Variants in CACHD1 observed in about 807,000 individuals in gnomAD.
CACHD1 encodes the protein cache domain containing 1.
In CACHD1, 71 loss-of-function variants were observed where a neutral mutation model predicts 138.7. The observed-to-expected ratio is 0.51, with a 90% CI of 0.42 to 0.62. The LOEUF (loss-of-function observed/expected upper bound fraction) is 0.62, where lower values mean the gene tolerates loss of function less well. CACHD1 is among the 20% of genes least tolerant of loss of function. CACHD1 has a pLI of 0.00. For synonymous variants in CACHD1, 578 were observed against 591.5 expected, an observed-to-expected ratio of 0.98 and a Z score of 0.33; for missense variants, 1,389 against 1,625.3, an observed-to-expected ratio of 0.85 and a Z score of 2.50.
intron 1 of CACHD1, among the ~76,000 whole-genome samples, chr1:64,537,914 C>A (rs926313693): frequency 6.6e-6 from 1 of 151,948 alleles, no homozygotes; most frequent in African/African-American, 2.4e-5. Flanking sequence ...TTTTTTAACT[C>A]CCCATTTTAT....
At chr1:64,655,693 C>T (rs747447721) in intron 12 of CACHD1, among the ~76,000 whole-genome samples, 2 of 152,218 alleles carry the variant, frequency 1.3e-5, no homozygotes, top group Non-Finnish European at 2.9e-5. Context: ...CTAACACACA[C>T]TGTTCATGTT....
At chr1:64,603,692 C>T (rs1647259421) in intron 4 of CACHD1, among the ~76,000 whole-genome samples, 2 of 152,154 alleles carry the variant, frequency 1.3e-5, no homozygotes, top group Admixed American at 6.5e-5. Context: ...TTCCTGTTCT[C>T]ATTGGAACTC....
At chr1:64,541,511 A>T (rs947348071) in intron 1 of CACHD1, among the ~76,000 whole-genome samples, 3 of 152,176 alleles carry the variant, frequency 2.0e-5, no homozygotes, top group Admixed American at 6.5e-5. Flanking sequence ...GGAGGTTGTT[A>T]ACAATGAGGT....
At chr1:64,569,140 C>T (rs1012602109) in intron 2 of CACHD1, among the ~76,000 whole-genome samples, 8 of 152,120 alleles carry the variant, frequency 5.3e-5, no homozygotes, top group Middle Eastern at 3.4e-3. Flanking sequence ...ATGCTGGTCT[C>T]GAACTCCCGA....
intron 24 of CACHD1, among the ~76,000 whole-genome samples, chr1:64,680,350 C>A (rs963415620): frequency 6.6e-6 from 1 of 151,924 alleles, no homozygotes; most frequent in African/African-American, 2.4e-5. Flanking sequence ...CTAGCCGGTG[C>A]GGTGGCACCT....
rs758120634 is a variant in CACHD1 at position 64,632,754 on chromosome 1, C to A, written c.789+11C>A. ...GATGAACATGACAAGGTGACCATGA[C>A]CCTTGTGACCCCTATGGCATCAGGT... On this transcript the variant is annotated intron_variant, in intron 6 of 26. Coordinates refer to ENST00000651257, the MANE Select transcript of CACHD1 (RefSeq NM_020925.4). The A allele has an allele frequency of 6.2e-7, 1 of 1,613,940 alleles. No homozygotes were observed. Among genetic ancestry groups the A allele is most frequent in the South Asian group, 1.1e-5 (1 of 91,062 alleles).
intron 13 of CACHD1, 74 bp from the exon 14 acceptor site, chr1:64,663,621 C>G (rs1649523921): frequency 6.3e-7 from 1 of 1,577,822 alleles, no homozygotes; most frequent in South Asian, 1.1e-5. Flanking sequence ...TTGGCAGAGC[C>G]CGAGTGATGC....
chr1:64,641,623 T>A (rs1350192579), intron 7 of CACHD1, among the ~76,000 whole-genome samples, 197 bp from the exon 8 acceptor site: 1 of 152,120 alleles, frequency 6.6e-6, no homozygotes, highest in Non-Finnish European at 1.5e-5. Flanking sequence ...AAATGTGGCC[T>A]CATTGTCCAG....
At chr1:64,515,070 T>G (rs1231216418) in intron 1 of CACHD1, among the ~76,000 whole-genome samples, 1 of 152,162 alleles carries the variant, frequency 6.6e-6, no homozygotes, top group Non-Finnish European at 1.5e-5. Context: ...AGTATTGGAT[T>G]ATTTAGGAGG....
rs1483061615 is a variant in CACHD1 at position 64,691,991 on chromosome 1, T to A, written c.*430T>A. On this transcript the variant is annotated 3_prime_UTR_variant, in exon 27 of 27. Coordinates refer to ENST00000651257, the MANE Select transcript of CACHD1 (RefSeq NM_020925.4). ...GCACATGCAGATACAAATGTGTGCA[T>A]TGAAGATTTCGCTTTGTTTCTTAGC... The A allele has an allele frequency of 5.2e-6, 1 of 191,642 alleles. No individual in the cohort carries two copies. Among genetic ancestry groups the A allele is most frequent in the South Asian group, 1.2e-4 (1 of 8,326 alleles). 11.9% of individuals were successfully genotyped at this position (191,642 alleles called of 1,614,324 possible).
rs575202134 is a variant in CACHD1, at chr1:64,646,849, A to T, written c.1157-952A>T. 8.5e-5 allele frequency among the ~76,000 whole-genome samples: 13 copies of T among 152,348 alleles called. 1 individual carries two copies. The East Asian group carries it at 2.5e-3, about 29-fold the overall frequency. The stretch of plus-strand genomic sequence containing the variant: ...CTCTATGTAGAAATGCTAAAGACAT[A>T]TGTGGTAGATGAACCATGAAAGCTT... On this transcript the variant is annotated intron_variant, in intron 8 of 26. Coordinates refer to ENST00000651257, the MANE Select transcript of CACHD1 (RefSeq NM_020925.4).
intron 4 of CACHD1, among the ~76,000 whole-genome samples, chr1:64,620,411 C>T (rs1647867451): frequency 6.6e-6 from 1 of 151,962 alleles, no homozygotes; most frequent in East Asian, 1.9e-4. Flanking sequence ...GTGCATTGTC[C>T]CTTAGAGACA....
chr1:64,649,336 G>A (rs1557538934), intron 9 of CACHD1, among the ~76,000 whole-genome samples: 2 of 152,130 alleles, frequency 1.3e-5, no homozygotes, highest in East Asian at 3.9e-4. Context: ...TGCAGTTGTG[G>A]GCCACCATCC....
intron 9 of CACHD1, among the ~76,000 whole-genome samples, chr1:64,649,148 T>G (rs550758345): frequency 6.6e-6 from 1 of 152,298 alleles, no homozygotes; most frequent in South Asian, 2.1e-4. Flanking sequence ...TTCTAGAAAC[T>G]AGGTAGACAT....
At chr1:64,536,590 G>A (rs1436412426) in intron 1 of CACHD1, among the ~76,000 whole-genome samples, 1 of 152,196 alleles carries the variant, frequency 6.6e-6, no homozygotes, top group East Asian at 1.9e-4. Flanking sequence ...GTGGGAGGCT[G>A]AGAGTTAGGA....
chr1:64,611,634 T>C (rs1392919456), intron 4 of CACHD1, among the ~76,000 whole-genome samples: 1 of 152,188 alleles, frequency 6.6e-6, no homozygotes, highest in Non-Finnish European at 1.5e-5. Flanking sequence ...CTCATCCACA[T>C]GTGAGACCAC....
chr1:64,691,257 G>A, intron 26 of CACHD1, 66 bp from the exon 27 acceptor site: 5 of 1,461,482 alleles, frequency 3.4e-6, no homozygotes, highest in Non-Finnish European at 4.8e-6. Context: ...CCTAGAAATT[G>A]TAGGTGAAAT....
chr1:64,498,863 A>G (rs1401780753), intron 1 of CACHD1, among the ~76,000 whole-genome samples: 5 of 152,244 alleles, frequency 3.3e-5, no homozygotes, highest in African/African-American at 7.2e-5. Flanking sequence ...AAAGTGCAAT[A>G]ATCGTGTGCT....
Position 64,491,029 on chromosome 1 carries a change from GTAAA to G in CACHD1, c.198+20095_198+20098del, listed in dbSNP as rs563252981. The stretch of plus-strand genomic sequence containing the variant: ...TCTTTGCTTAAATAATTTTGAAAAA[GTAAA>G]TAAATAATTGAACCTGTCTAAAATC... On this transcript the variant is annotated intron_variant, in intron 1 of 26. Transcript: ENST00000651257. 4.0e-3 allele frequency among the ~76,000 whole-genome samples: 616 copies of G among 152,240 alleles called. 5 individuals carry two copies. The highest frequency in any genetic ancestry group is 0.014 in the African/African-American group (565 of 41,536).
Sources: gnomAD v4.1 joint callset for allele counts (sites outside exome capture counted in the v4.1 genomes callset) on GRCh38, gnomAD v4.1.1 for gene constraint, MANE v1.5 for transcripts, NCBI Gene and HGNC (gene_info 2026-07-23, HGNC 2026-07-21) for gene names.